Variants in NAALAD2 observed in about 807,000 individuals in gnomAD.
NAALAD2 encodes N-acetylated alpha-linked acidic dipeptidase 2, also known as N-acetylated-alpha-linked acidic dipeptidase 2.
A neutral mutation model predicts 95.6 loss-of-function variants in NAALAD2; 89 were observed. That is an observed-to-expected ratio of 0.93 (90% CI 0.78 to 1.11). The LOEUF (loss-of-function observed/expected upper bound fraction) is 1.11. NAALAD2 is among the 50% of genes least tolerant of loss of function. NAALAD2 has a pLI of 0.00. For missense variants in NAALAD2, 894 were observed against 872.4 expected (o/e 1.02, Z -0.31); for synonymous variants, 264 against 294.4 (o/e 0.90, Z 1.06).
At chr11:90,167,645 A>G (rs1489777099) in intron 11 of NAALAD2, among the ~76,000 whole-genome samples, 1 of 152,128 alleles carries the variant, frequency 6.6e-6, no homozygotes, top group African/African-American at 2.4e-5. Flanking sequence ...TGTCTAGCTA[A>G]GGGATTGTAA....
chr11:90,183,556 G>C (rs1225151954), intron 18 of NAALAD2, among the ~76,000 whole-genome samples: 1 of 152,112 alleles, frequency 6.6e-6, no homozygotes, highest in Admixed American at 6.6e-5. Flanking sequence ...TTTTGAGATG[G>C]TTCTCAACGA....
At chr11:90,155,659 GTAT>G (rs200582025) in intron 6 of NAALAD2, among the ~76,000 whole-genome samples, 39,843 of 105,470 alleles carry the variant, frequency 0.38, 8,579 homozygotes, top group South Asian at 0.5. Context: ...ACATATGTAT[GTAT>G]TATTATTGTA....
intron 2 of NAALAD2, among the ~76,000 whole-genome samples, chr11:90,142,514 A>G (rs1951644952): frequency 6.6e-6 from 1 of 152,130 alleles, no homozygotes; most frequent in African/African-American, 2.4e-5. Flanking sequence ...TCTTCCATCT[A>G]CTTACTTTTA....
rs57694347 is a variant in NAALAD2 at position 90,177,586 on chromosome 11, G to GTTTTTTTTTTTTTTTTTTTTTTTTTTTT, written c.1594-256_1594-229dup. On this transcript the variant is annotated intron_variant, in intron 15 of 18. Transcript: ENST00000534061. ...TATGGTTGTATTTTTTCTTTTTCTTGTTTTTTTTTTTTTTTTTTTTTTTTT... is the reference window on the plus strand; with the variant it reads ...TATGGTTGTATTTTTTCTTTTTCTTGTTTTTTTTTTTTTTTTTTTTTTTTTTTTTTTTTTTTTTTTTTTTTTTTTTTTT... Among the ~76,000 whole-genome samples the GTTTTTTTTTTTTTTTTTTTTTTTTTTTT allele has an allele frequency of 5.6e-4, 16 of 28,464 alleles. 7 individuals are homozygous for GTTTTTTTTTTTTTTTTTTTTTTTTTTTT. The highest frequency in any genetic ancestry group is 4.1e-3 in the South Asian group (2 of 482). The allele number at this position is 28,464 out of a possible 152,430, so 18.7% of individuals were successfully genotyped here.
In NAALAD2 at chr11:90,160,507, A is replaced by G. The variant is rs76256517; in HGVS notation, c.989+1170A>G. 2.5e-3 allele frequency among the ~76,000 whole-genome samples: 376 copies of G among 152,326 alleles called. 1 individual carries two copies. Among genetic ancestry groups the G allele is most frequent in the African/African-American group, 8.3e-3 (343 of 41,570 alleles). ...ATTTCTTGTATTCCAGAAATTTTAA[A>G]GTATTAGAAGTCCAATTTCCTTGTT... On this transcript the variant is annotated intron_variant, in intron 8 of 18. Coordinates refer to ENST00000534061, the MANE Select transcript of NAALAD2 (RefSeq NM_005467.4).
At chr11:90,149,259 T>C in intron 4 of NAALAD2, 152 bp downstream of exon 4, 1 of 391,086 alleles carries the variant, frequency 2.6e-6, no homozygotes, top group Non-Finnish European at 4.7e-6. Flanking sequence ...ATCCCTCAAA[T>C]TAAAAAAATT....
intron 11 of NAALAD2, 42 bp downstream of exon 11, chr11:90,163,659 C>A: frequency 6.4e-7 from 1 of 1,561,070 alleles, no homozygotes; most frequent in Non-Finnish European, 8.8e-7. Flanking sequence ...TTTTGGTCAA[C>A]AGGGAACAAA....
At chr11:90,166,523 T>C (rs16916714) in intron 11 of NAALAD2, among the ~76,000 whole-genome samples, 2,460 of 152,304 alleles carry the variant, frequency 0.016, 41 homozygotes, top group South Asian at 0.049. Context: ...AAGTGTCAAT[T>C]GCCAGTTATA....
At chr11:90,190,582 T>A (rs2135004701) in intron 18 of NAALAD2, among the ~76,000 whole-genome samples, 1 of 152,318 alleles carries the variant, frequency 6.6e-6, no homozygotes, top group South Asian at 2.1e-4. Context: ...CTAAGGAATA[T>A]CTATGACTTG....
chr11:90,191,539 CTTG>C lies in NAALAD2; in HGVS notation c.2034-16_2034-14del, dbSNP rs1857327637. 2 of 1,523,478 alleles carry C rather than the reference CTTG, an allele frequency of 1.3e-6. No individual in the cohort carries two copies. The highest frequency in any genetic ancestry group is 1.4e-5 in the African/African-American group (1 of 71,372). 94.4% of individuals were successfully genotyped at this position (1,523,478 alleles called of 1,614,324 possible). On this transcript the variant is annotated splice_polypyrimidine_tract_variant and intron_variant, in intron 18 of 18. Transcript: ENST00000534061. The stretch of plus-strand genomic sequence containing the variant: ...ATGTATACACTTTAGTTCAATTTGC[CTTG>C]TTTTCTTCCTTTTAGGCACATCATA...
Position 90,147,338 on chromosome 11 carries a change from C to G in NAALAD2, c.203C>G (p.Thr68Arg). 6.2e-7 allele frequency: 1 copy of G among 1,612,186 alleles called. No individual in the cohort carries two copies. The highest frequency in any genetic ancestry group is 1.3e-5 in the African/African-American group (1 of 74,866). The change falls in exon 3 of 19, where the codon ACA becomes AGA. Residue 68 changes from threonine (T) to arginine (R), a missense_variant. Physicochemically the swap from Thr to Arg is moderately conservative, Grantham distance 71 (BLOSUM62 -1). Transcript: ENST00000534061. The part of the protein sequence containing the change: ...ENIKSFLRSF[T>R]KLPHLAGTEQ... ...TTTTATTTTCATTTTAGTTCTTTTA[C>G]AAAGCTTCCTCATCTGGCAGGAACA...
Position 90,152,381 on chromosome 11 carries a change from A to G in NAALAD2, c.693A>G (p.Pro231=). The change falls in exon 6 of 19, where the codon CCA becomes CCG. Residue 231 remains proline (P), a synonymous_variant. Coordinates refer to ENST00000534061, the MANE Select transcript of NAALAD2 (RefSeq NM_005467.4). ...ACTACTTTGCTCCTGAGGTACAGCCATATCCCAAAGGATGGAATCTTCCTG... is the reference window on the plus strand; with the variant it reads ...ACTACTTTGCTCCTGAGGTACAGCCGTATCCCAAAGGATGGAATCTTCCTG... ...PADYFAPEVQ[P]YPKGWNLPGT... is the part of the protein sequence containing the mutation. 1.2e-6 allele frequency: 2 copies of G among 1,613,996 alleles called. No homozygotes were observed. The highest frequency in any genetic ancestry group is 1.1e-5 in the South Asian group (1 of 91,056).
intron 3 of NAALAD2, among the ~76,000 whole-genome samples, chr11:90,147,802 A>T (rs1384775944): frequency 1.3e-5 from 2 of 152,220 alleles, no homozygotes; most frequent in African/African-American, 4.8e-5. Flanking sequence ...AGGGTCACTC[A>T]GCCCAGCCTG....
chr11:90,146,343 A>ATTTTTTTTTTTTTTTTT (rs71477596), intron 2 of NAALAD2, among the ~76,000 whole-genome samples: 8 of 47,958 alleles, frequency 1.7e-4, no homozygotes, highest in Admixed American at 3.4e-4. Flanking sequence ...GGGGAGTTTA[A>ATTTTTTTTTTTTTTTTT]TTTTTTTTTT....
chr11:90,146,236 A>G (rs1410432284), intron 2 of NAALAD2, among the ~76,000 whole-genome samples: 1 of 150,808 alleles, frequency 6.6e-6, no homozygotes, highest in African/African-American at 2.4e-5. Flanking sequence ...AATACATGTT[A>G]ATTTCCTTCT....
chr11:90,155,291 T>C (rs1952032424), intron 6 of NAALAD2, among the ~76,000 whole-genome samples: 1 of 122,914 alleles, frequency 8.1e-6, no homozygotes, highest in Non-Finnish European at 1.6e-5. Flanking sequence ...TATATGCATA[T>C]ATGTATATAT....
chr11:90,152,215 C>A, intron 5 of NAALAD2, 83 bp from the exon 6 acceptor site: 1 of 1,269,018 alleles, frequency 7.9e-7, no homozygotes, highest in Non-Finnish European at 1.1e-6. Flanking sequence ...AATATCCTTC[C>A]ATTATTAAAT....
At position 90,135,600 on chromosome 11, in the gene NAALAD2, C is replaced by T. The variant is rs765151836; in HGVS notation, c.124C>T (p.Arg42Cys). The T allele has an allele frequency of 2.5e-5, 41 of 1,612,752 alleles. No individual in the cohort carries two copies. Among genetic ancestry groups the T allele is most frequent in the African/African-American group, 8.0e-5 (6 of 74,792 alleles). Residue 42 changes from arginine (R) to cysteine (C), a missense_variant, in exon 2 of 19, where the codon CGC (arginine) becomes TGC (cysteine). Physicochemically the swap from Arg to Cys is radical, Grantham distance 180 (BLOSUM62 -3). Transcript: ENST00000534061. The part of the protein sequence containing the change: ...KPLKETTTSV[R>C]YHQSIRWKLV... ...TCTCAAAGAAACGACCACTTCTGTG[C>T]GCTATCATCAAAGTATACGGTGGAA...
intron 6 of NAALAD2, among the ~76,000 whole-genome samples, chr11:90,155,403 TA>T (rs1565522696): frequency 1.2e-5 from 1 of 81,318 alleles, no homozygotes; most frequent in South Asian, 3.4e-4. Flanking sequence ...ATATAATATA[TA>T]TAATGTAATA....
Sources: gnomAD v4.1 joint callset for allele counts (sites outside exome capture counted in the v4.1 genomes callset) on GRCh38, gnomAD v4.1.1 for gene constraint, MANE v1.5 for transcripts, NCBI Gene and HGNC (gene_info 2026-07-23, HGNC 2026-07-21) for gene names.